UST: variants seen among roughly 807,000 people sequenced by gnomAD.
UST encodes the protein chondroitin sulfate 2-O-sulfotransferase.
UST carries 21 observed loss-of-function variants against 45.6 expected under a neutral mutation model. The ratio of observed to expected loss-of-function variants is 0.46; its 90% CI spans 0.33 to 0.66. The LOEUF is 0.66. Ranked by LOEUF, UST falls within the 30% of genes least tolerant of loss-of-function variation. The probability of loss-of-function intolerance (pLI) is 0.02; values close to 1 mark genes in which losing one functional copy is unlikely to be tolerated. For synonymous variants in UST, 215 were observed against 200.6 expected (o/e 1.07, Z -0.61); for missense variants, 463 against 512.4 (o/e 0.90, Z 0.93).
In UST at chr6:149,074,153, T is replaced by C; in HGVS notation, c.*37T>C. On this transcript the variant is annotated 3_prime_UTR_variant, in exon 8 of 8. Transcript: ENST00000367463. The stretch of plus-strand genomic sequence containing the variant: ...TGCCTCTATGGCTTTATCTCCCTTT[T>C]CCAGAAAGTTCTTTGTTTGGGGAAG... 2 of 1,594,290 alleles carry C rather than the reference T, an allele frequency of 1.3e-6. No homozygotes were observed. Among genetic ancestry groups the C allele is most frequent in the Non-Finnish European group, 1.7e-6 (2 of 1,167,888 alleles).
intron 7 of UST, among the ~76,000 whole-genome samples, chr6:149,065,136 C>T (rs1776713612): frequency 6.6e-6 from 1 of 152,184 alleles, no homozygotes; most frequent in Admixed American, 6.5e-5. Context: ...AGTATGTGCT[C>T]ACCTAACGAG....
chr6:148,922,404 C>T (rs1179211615), intron 2 of UST, among the ~76,000 whole-genome samples: 2 of 152,014 alleles, frequency 1.3e-5, no homozygotes, highest in Non-Finnish European at 2.9e-5. Context: ...ATAATGTTTT[C>T]GAGGTCTGTC....
chr6:148,922,225 G>A (rs1779721807), intron 2 of UST, among the ~76,000 whole-genome samples: 1 of 152,068 alleles, frequency 6.6e-6, no homozygotes, highest in Admixed American at 6.5e-5. Flanking sequence ...AAGAAACCCT[G>A]TACCTATTGA....
chr6:148,972,363 G>A (rs1464889178), intron 5 of UST, among the ~76,000 whole-genome samples: 2 of 152,190 alleles, frequency 1.3e-5, no homozygotes, highest in East Asian at 1.9e-4. Context: ...GGAGGGGACT[G>A]TTCCAAGTGA....
intron 1 of UST, among the ~76,000 whole-genome samples, chr6:148,857,254 G>A (rs1383574544): frequency 6.6e-6 from 1 of 152,128 alleles, no homozygotes; most frequent in African/African-American, 2.4e-5. Flanking sequence ...CTCACGGTCA[G>A]AGCCCCCTAA....
chr6:149,043,015 C>CTTTCTTCTT (rs1776343496), intron 7 of UST, among the ~76,000 whole-genome samples: 1 of 119,724 alleles, frequency 8.4e-6, no homozygotes, highest in Non-Finnish European at 1.7e-5. Flanking sequence ...TTCTTTCTTT[C>CTTTCTTCTT]TTTCTTTTTC....
chr6:149,068,553 C>G (rs982691331), intron 7 of UST, among the ~76,000 whole-genome samples: 1 of 152,322 alleles, frequency 6.6e-6, no homozygotes, highest in Non-Finnish European at 1.5e-5. Context: ...GTTAACTAAT[C>G]GTGCAAATAT....
intron 2 of UST, among the ~76,000 whole-genome samples, chr6:148,900,139 G>A: frequency 6.6e-6 from 1 of 152,054 alleles, no homozygotes; most frequent in Non-Finnish European, 1.5e-5. Context: ...CTCTTCTTCA[G>A]TTGTGTAAAT....
At chr6:148,823,882 T>A (rs1204243458) in intron 1 of UST, among the ~76,000 whole-genome samples, 1 of 152,204 alleles carries the variant, frequency 6.6e-6, no homozygotes, top group East Asian at 1.9e-4. Context: ...AGACTTCTAG[T>A]CTTCCACTAT....
At chr6:148,929,528 A>T (rs1449739373) in intron 2 of UST, among the ~76,000 whole-genome samples, 1 of 152,256 alleles carries the variant, frequency 6.6e-6, no homozygotes, top group Non-Finnish European at 1.5e-5. Context: ...TAGTCTGAGG[A>T]CAATGCTGGC....
intron 1 of UST, among the ~76,000 whole-genome samples, chr6:148,806,587 C>G (rs1419767216): frequency 6.6e-6 from 1 of 152,096 alleles, no homozygotes; most frequent in Non-Finnish European, 1.5e-5. Context: ...GATCTGCCTG[C>G]CTCGGCCTCC....
rs944212999 is a variant in UST at position 148,972,409 on chromosome 6, C to G, written c.681+7846C>G. ...TAGAAAGTGTGTAAAAGCCTGAGAG[C>G]AAGAGGCTCACTCTGGTGAACCGCC... On this transcript the variant is annotated intron_variant, in intron 5 of 7. Transcript: ENST00000367463. Among the ~76,000 whole-genome samples, 20 of 152,298 alleles carry G rather than the reference C, an allele frequency of 1.3e-4. 1 individual carries two copies. The highest frequency in any genetic ancestry group is 4.3e-4 in the African/African-American group (18 of 41,550).
At chr6:148,819,269 AAAAC>A (rs1289416885) in intron 1 of UST, among the ~76,000 whole-genome samples, 12 of 152,364 alleles carry the variant, frequency 7.9e-5, no homozygotes, top group African/African-American at 2.9e-4. Context: ...ATGTTAAAAA[AAAAC>A]AAAAACAAAA....
intron 7 of UST, among the ~76,000 whole-genome samples, chr6:149,030,720 G>T (rs981059865): frequency 6.6e-6 from 1 of 151,266 alleles, no homozygotes; most frequent in Non-Finnish European, 1.5e-5. Context: ...ACTGGATCTT[G>T]TGTGTGTGTT....
chr6:148,957,373 A>G (rs1469340364), intron 4 of UST, among the ~76,000 whole-genome samples: 3 of 152,216 alleles, frequency 2.0e-5, no homozygotes, highest in African/African-American at 4.8e-5. Context: ...AGCTTTATCT[A>G]AGGAAAATTT....
At chr6:149,029,390 GTTATATA>G (rs1462003499) in intron 7 of UST, among the ~76,000 whole-genome samples, 1 of 142,694 alleles carries the variant, frequency 7.0e-6, no homozygotes, top group Non-Finnish European at 1.5e-5. Flanking sequence ...TATATTGTAT[GTTATATA>G]TTATATATAA....
At chr6:148,974,079 G>A (rs1410167010) in intron 5 of UST, among the ~76,000 whole-genome samples, 1 of 152,206 alleles carries the variant, frequency 6.6e-6, no homozygotes. Flanking sequence ...CTATAAGGAG[G>A]ATGGAAACTA....
chr6:148,784,912 T>C (rs1776708552), intron 1 of UST, among the ~76,000 whole-genome samples: 1 of 152,168 alleles, frequency 6.6e-6, no homozygotes, highest in Non-Finnish European at 1.5e-5. Flanking sequence ...TAACAGATAA[T>C]GAAGAGCATA....
chr6:148,772,789 A>C (rs1429551888), intron 1 of UST, among the ~76,000 whole-genome samples: 1 of 152,104 alleles, frequency 6.6e-6, no homozygotes, highest in East Asian at 1.9e-4. Context: ...TCTTTCTCAG[A>C]GGGGGAAATT....
Sources: gnomAD v4.1 joint callset for allele counts (sites outside exome capture counted in the v4.1 genomes callset) on GRCh38, gnomAD v4.1.1 for gene constraint, MANE v1.5 for transcripts, NCBI Gene and HGNC (gene_info 2026-07-23, HGNC 2026-07-21) for gene names.